Variants in HMGB1 observed in about 807,000 individuals in gnomAD.
The protein encoded by HMGB1 is high mobility group box 1.
For missense variants in HMGB1, 79 were observed against 253.5 expected (o/e 0.31, Z 4.67); for synonymous variants, 81 against 84.0 (o/e 0.96, Z 0.19).
chr13:30,551,141 A>T (rs1033278887), intron 1 of HMGB1, among the ~76,000 whole-genome samples: 1 of 152,240 alleles, frequency 6.6e-6, no homozygotes. Flanking sequence ...AGTTTAAAAA[A>T]TTTTATCGAA....
chr13:30,570,265 C>T (rs1236298268), intron 1 of HMGB1, among the ~76,000 whole-genome samples: 1 of 152,164 alleles, frequency 6.6e-6, no homozygotes, highest in Non-Finnish European at 1.5e-5. Flanking sequence ...CCAGCCTGGT[C>T]AACATAGCGA....
At chr13:30,508,791 T>C (rs1397406584) in intron 1 of HMGB1, among the ~76,000 whole-genome samples, 1 of 152,210 alleles carries the variant, frequency 6.6e-6, no homozygotes, top group Non-Finnish European at 1.5e-5. Flanking sequence ...CAAACACTTT[T>C]TCACATTAAT....
intron 1 of HMGB1, among the ~76,000 whole-genome samples, chr13:30,591,498 G>A (rs1385418286): frequency 6.6e-6 from 1 of 151,364 alleles, no homozygotes; most frequent in African/African-American, 2.4e-5. Context: ...TCTGTAAAGA[G>A]CACCAGGGAT....
intron 1 of HMGB1, among the ~76,000 whole-genome samples, chr13:30,532,069 T>C (rs904789205): frequency 6.6e-6 from 1 of 152,030 alleles, no homozygotes; most frequent in East Asian, 1.9e-4. Flanking sequence ...CCAGGCGCAG[T>C]GGCTCACACC....
rs1281755905 is a variant in HMGB1 at position 30,488,534 on chromosome 13, A to G, written c.-14-24840T>C. ...GGTCTCTCTCTGTTGCCCAGGCTGG[A>G]GTGCAGTGGCCCAAACCCAGCTCAC... is the stretch of plus-strand genomic sequence containing the variant. On this transcript the variant is annotated intron_variant, in intron 1 of 4. Transcript: ENST00000405805. Among the ~76,000 whole-genome samples, 4 of 151,362 alleles carry G rather than the reference A, an allele frequency of 2.6e-5. No individual in the cohort carries two copies. The East Asian group carries it at 7.7e-4, about 29-fold the overall frequency.
At chr13:30,464,483 C>T (rs1001186557) in intron 1 of HMGB1, 8 of 984,988 alleles carry the variant, frequency 8.1e-6, no homozygotes, top group Non-Finnish European at 8.4e-6. Flanking sequence ...CCCCCCGCCC[C>T]TAGAACTTCG....
chr13:30,488,526 C>T (rs1887411830), intron 1 of HMGB1, among the ~76,000 whole-genome samples: 1 of 151,820 alleles, frequency 6.6e-6, no homozygotes, highest in African/African-American at 2.4e-5. Context: ...CTCTGTTGCC[C>T]AGGCTGGAGT....
intron 1 of HMGB1, among the ~76,000 whole-genome samples, chr13:30,615,492 A>G (rs1456690683): frequency 6.6e-6 from 1 of 152,224 alleles, no homozygotes; most frequent in Non-Finnish European, 1.5e-5. Flanking sequence ...TAAAGACTAT[A>G]TACAGCTTCT....
chr13:30,474,964 T>G (rs750682583), intron 1 of HMGB1, among the ~76,000 whole-genome samples: 31,685 of 81,600 alleles, frequency 0.39, 7,068 homozygotes, highest in Non-Finnish European at 0.48. Context: ...TTTTTGTTTT[T>G]TTTTTTTTTT....
chr13:30,608,085 CCTCT>C (rs774158156), intron 1 of HMGB1, among the ~76,000 whole-genome samples: 2 of 152,086 alleles, frequency 1.3e-5, no homozygotes, highest in Admixed American at 1.3e-4. Flanking sequence ...GTGGTTTCTG[CCTCT>C]CTCTCAGATC....
At position 30,564,010 on chromosome 13, in the gene HMGB1, G is replaced by A. The variant is rs931346555; in HGVS notation, c.-15+52661C>T. ...AAATAATTTATTTTAATAACTTCGT[G>A]GGCATGGTGGCCAAAACATTTTAGC... On this transcript the variant is annotated intron_variant, in intron 1 of 4. Coordinates refer to the HMGB1 transcript ENST00000405805. 5.9e-5 allele frequency among the ~76,000 whole-genome samples: 9 copies of A among 152,184 alleles called. No homozygotes were observed. In the South Asian group the frequency reaches 1.0e-3, roughly 18 times the overall value.
chr13:30,571,586 A>G (rs565448210), intron 1 of HMGB1, among the ~76,000 whole-genome samples: 16 of 152,142 alleles, frequency 1.1e-4, no homozygotes, highest in Non-Finnish European at 1.5e-4. Context: ...GAGCCACCGT[A>G]CCCAGCCTAA....
intron 1 of HMGB1, among the ~76,000 whole-genome samples, chr13:30,537,501 G>A (rs1868492798): frequency 6.6e-6 from 1 of 151,548 alleles, no homozygotes; most frequent in Non-Finnish European, 1.5e-5. Context: ...CAGATTGCCT[G>A]TTTTTGAATT....
intron 1 of HMGB1, chr13:30,554,778 G>A: frequency 1.3e-6 from 1 of 767,078 alleles, no homozygotes; most frequent in African/African-American, 1.7e-5. Context: ...GAGGCTAAAT[G>A]AGAACGAACA....
At chr13:30,577,048 A>C (rs1274792658) in intron 1 of HMGB1, among the ~76,000 whole-genome samples, 2 of 152,138 alleles carry the variant, frequency 1.3e-5, no homozygotes, top group Non-Finnish European at 2.9e-5. Context: ...GTGTCCTTAT[A>C]AGAAGAGACT....
intron 1 of HMGB1, among the ~76,000 whole-genome samples, chr13:30,536,630 G>A (rs891440521): frequency 3.9e-5 from 6 of 152,168 alleles, no homozygotes; most frequent in African/African-American, 9.7e-5. Flanking sequence ...GATTACAGGC[G>A]TGAGCCACCA....
chr13:30,492,644 C>A (rs1231419944), intron 1 of HMGB1, among the ~76,000 whole-genome samples: 1 of 152,064 alleles, frequency 6.6e-6, no homozygotes, highest in East Asian at 1.9e-4. Context: ...TGTACAACTG[C>A]TGATAGGAAT....
intron 1 of HMGB1, among the ~76,000 whole-genome samples, chr13:30,560,692 T>C (rs1237578173): frequency 2.0e-5 from 3 of 152,172 alleles, no homozygotes; most frequent in Non-Finnish European, 2.9e-5. Context: ...TTTCCTATCC[T>C]AGGACAGAGA....
intron 1 of HMGB1, among the ~76,000 whole-genome samples, chr13:30,477,619 G>A (rs2137427670): frequency 6.6e-6 from 1 of 152,350 alleles, no homozygotes; most frequent in African/African-American, 2.4e-5. Context: ...ACAAAAAACA[G>A]CATTCCAGGC....
Sources: allele counts gnomAD v4.1 joint callset (sites outside exome capture counted in the v4.1 genomes callset), GRCh38; gene constraint gnomAD v4.1.1; transcripts MANE v1.5; gene names NCBI Gene and HGNC (gene_info 2026-07-23, HGNC 2026-07-21).